NUDT6: variants seen among roughly 807,000 people sequenced by gnomAD.
The protein encoded by NUDT6 is nudix hydrolase 6, also known as FAD diphosphatase NUDT6.
Under a neutral mutation model 36.8 loss-of-function variants are expected in NUDT6, and 24 were observed. The ratio of observed to expected loss-of-function variants is 0.65; its 90% CI spans 0.47 to 0.92. The LOEUF is 0.92. Ranked by LOEUF, NUDT6 falls within the 40% of genes least tolerant of loss-of-function variation. NUDT6 has a pLI of 0.00. For missense variants in NUDT6, 388 were observed against 392.8 expected, an observed-to-expected ratio of 0.99 and a Z score of 0.10; for synonymous variants, 163 against 157.0, an observed-to-expected ratio of 1.04 and a Z score of -0.29.
At chr4:122,897,598 C>G (rs1727402217) in intron 4 of NUDT6, 26 bp downstream of exon 4, 3 of 1,485,720 alleles carry the variant, frequency 2.0e-6, no homozygotes, top group African/African-American at 1.4e-5. Flanking sequence ...ATTTTTAAGC[C>G]AATTAAAAAT....
intron 4 of NUDT6, 51 bp from the exon 5 acceptor site, chr4:122,893,276 C>A: frequency 6.7e-7 from 1 of 1,496,958 alleles, no homozygotes; most frequent in South Asian, 1.4e-5. Flanking sequence ...CTTTTAGAAA[C>A]TGTATCATCA....
At chr4:122,905,620 T>C (rs1320249901) in intron 3 of NUDT6, among the ~76,000 whole-genome samples, 1 of 152,204 alleles carries the variant, frequency 6.6e-6, no homozygotes, top group Non-Finnish European at 1.5e-5. Flanking sequence ...GCTATGCCCA[T>C]ATTCTCACCC....
chr4:122,893,339 A>G, intron 4 of NUDT6, 114 bp from the exon 5 acceptor site: 1 of 988,134 alleles, frequency 1.0e-6, no homozygotes, highest in Admixed American at 3.1e-5. Flanking sequence ...TTACCCTAAC[A>G]AAGTAAAGTT....
chr4:122,898,024 G>T, intron 3 of NUDT6: 1 of 192,950 alleles, frequency 5.2e-6, no homozygotes, highest in Non-Finnish European at 1.1e-5. Flanking sequence ...ACAGATAGAA[G>T]AATCTTACAG....
At chr4:122,912,694 C>A (rs550707462) in intron 2 of NUDT6, 71 bp from the exon 3 acceptor site, 11 of 953,082 alleles carry the variant, frequency 1.2e-5, no homozygotes, top group Non-Finnish European at 1.7e-5. Context: ...CCCACACTCT[C>A]TATCTGTGGT....
chr4:122,912,461 A>G, intron 3 of NUDT6, 107 bp downstream of exon 3: 2 of 780,866 alleles, frequency 2.6e-6, no homozygotes, highest in Non-Finnish European at 4.3e-6. Flanking sequence ...ATGATTTTTA[A>G]AATACCTTTC....
chr4:122,914,245 C>G (rs2150808317), intron 2 of NUDT6, among the ~76,000 whole-genome samples: 1 of 152,264 alleles, frequency 6.6e-6, no homozygotes, highest in South Asian at 2.1e-4. Flanking sequence ...AAACACCACA[C>G]TTGACTATTT....
rs777754682 is a variant in NUDT6 at position 122,917,654 on chromosome 4, T to C, written c.289A>G (p.Ile97Val). 2 of 1,614,162 alleles carry C rather than the reference T, an allele frequency of 1.2e-6. No individual in the cohort carries two copies. Among genetic ancestry groups the C allele is most frequent in the Non-Finnish European group, 1.7e-6 (2 of 1,180,024 alleles). Reference protein sequence around the residue: ...SEGRTAVWLHIPILQSRFIAP... With the variant: ...SEGRTAVWLHVPILQSRFIAP... ...ATAAATCGGCTTTGGAGGATGGGAATGTGCAGCCATACAGCTGTTCTACCT... is the reference window on the plus strand; with the variant it reads ...ATAAATCGGCTTTGGAGGATGGGAACGTGCAGCCATACAGCTGTTCTACCT... Residue 97 changes from isoleucine (I) to valine (V), a missense_variant, in exon 2 of 5, where the codon ATT becomes GTT. By Grantham distance (29) the Ile-to-Val change is conservative (BLOSUM62 3). Transcript: ENST00000304430.
At chr4:122,896,906 G>A (rs1727374354) in intron 4 of NUDT6, 1 of 152,148 alleles carries the variant, frequency 6.6e-6, no homozygotes, top group African/African-American at 2.4e-5. Context: ...ACATTGATTT[G>A]TCATGATACA....
chr4:122,906,299 T>G (rs1171844343), intron 3 of NUDT6, among the ~76,000 whole-genome samples: 1 of 152,188 alleles, frequency 6.6e-6, no homozygotes, highest in Non-Finnish European at 1.5e-5. Context: ...CTTGTCATTT[T>G]TATTTTGCCA....
At chr4:122,896,934 T>C (rs1351185840) in intron 4 of NUDT6, 3 of 152,192 alleles carry the variant, frequency 2.0e-5, no homozygotes, top group African/African-American at 4.8e-5. Flanking sequence ...TTTGATCCAA[T>C]AGTTTAAGGA....
intron 3 of NUDT6, among the ~76,000 whole-genome samples, chr4:122,909,932 C>T (rs1162686966): frequency 6.6e-6 from 1 of 152,180 alleles, no homozygotes; most frequent in Non-Finnish European, 1.5e-5. Flanking sequence ...GGGATGACGC[C>T]TATTTATTTG....
intron 1 of NUDT6, chr4:122,921,253 T>C (rs1200170540): frequency 1.3e-5 from 2 of 152,174 alleles, no homozygotes; most frequent in African/African-American, 2.4e-5. Flanking sequence ...TGTATACAAA[T>C]GTGACACTCT....
intron 4 of NUDT6, chr4:122,896,569 TACAAA>T: frequency 6.6e-6 from 1 of 152,122 alleles, no homozygotes; most frequent in Non-Finnish European, 1.5e-5. Context: ...TTCACACCAC[TACAAA>T]ATCATCTTTT....
At chr4:122,904,931 C>A (rs1727589176) in intron 3 of NUDT6, among the ~76,000 whole-genome samples, 1 of 152,154 alleles carries the variant, frequency 6.6e-6, no homozygotes, top group South Asian at 2.1e-4. Flanking sequence ...AGCCGCGGAC[C>A]TTCGTGGTGA....
intron 2 of NUDT6, among the ~76,000 whole-genome samples, chr4:122,915,520 C>G (rs1227597426): frequency 7.0e-6 from 1 of 142,480 alleles, no homozygotes; most frequent in East Asian, 2.0e-4. Flanking sequence ...CTTTCCAGAA[C>G]AATTTCTTAC....
At chr4:122,902,084 A>G (rs914946472) in intron 3 of NUDT6, among the ~76,000 whole-genome samples, 2 of 152,176 alleles carry the variant, frequency 1.3e-5, no homozygotes, top group African/African-American at 4.8e-5. Context: ...TTTATAATTC[A>G]GACCTACTGT....
intron 3 of NUDT6, among the ~76,000 whole-genome samples, chr4:122,911,076 A>T (rs1440262411): frequency 1.3e-5 from 2 of 152,184 alleles, no homozygotes; most frequent in East Asian, 3.8e-4. Context: ...ACTTGTACAT[A>T]CAGTATTTCG....
chr4:122,921,337 G>A (rs1727982805), intron 1 of NUDT6: 1 of 152,196 alleles, frequency 6.6e-6, no homozygotes, highest in African/African-American at 2.4e-5. Context: ...TGGGTGCAGT[G>A]GCTCCTGCCT....
Sources: gnomAD v4.1 joint callset for allele counts (sites outside exome capture counted in the v4.1 genomes callset) on GRCh38, gnomAD v4.1.1 for gene constraint, MANE v1.5 for transcripts, NCBI Gene and HGNC (gene_info 2026-07-23, HGNC 2026-07-21) for gene names.